AIG1: variants seen among roughly 807,000 people sequenced by gnomAD.
The protein encoded by AIG1 is androgen induced 1.
AIG1 carries 23 observed loss-of-function variants against 31.4 expected under a neutral mutation model. That is an observed-to-expected ratio of 0.73 (90% CI 0.53 to 1.04). The LOEUF is 1.04. Among genes scored for constraint, AIG1 ranks in the 50% least tolerant of loss-of-function variants. The probability of loss-of-function intolerance (pLI) is 0.00; values close to 1 mark genes in which losing one functional copy is unlikely to be tolerated. For synonymous variants in AIG1, 100 were observed against 110.5 expected, an observed-to-expected ratio of 0.90 and a Z score of 0.60; for missense variants, 274 against 295.0, an observed-to-expected ratio of 0.93 and a Z score of 0.52.
At chr6:143,215,948 G>A (rs943219893) in intron 3 of AIG1, among the ~76,000 whole-genome samples, 11 of 152,044 alleles carry the variant, frequency 7.2e-5, no homozygotes, top group Admixed American at 3.9e-4. Context: ...ATACATAAAC[G>A]AATGAGTGAC....
rs1776826832 is a variant in AIG1 at position 143,328,822 on chromosome 6, G to A, written c.516-4460G>A. The stretch of plus-strand genomic sequence containing the variant: ...CAAAAATCTTATTATGCTAATATGT[G>A]CATATATATGTATGCACACATATCA... On this transcript the variant is annotated intron_variant, in intron 4 of 5. Coordinates refer to ENST00000357847, the MANE Select transcript of AIG1 (RefSeq NM_016108.4). This position sits in a 1 kb window ranked among gnomAD's most constrained non-coding sequence, Gnocchi z 4.0. Among the ~76,000 whole-genome samples, 1 of 152,108 alleles carries A rather than the reference G, an allele frequency of 6.6e-6. No individual in the cohort carries two copies. The highest frequency in any genetic ancestry group is 2.4e-5 in the African/African-American group (1 of 41,428).
intron 4 of AIG1, among the ~76,000 whole-genome samples, chr6:143,294,865 C>G (rs1041510404): frequency 2.6e-5 from 4 of 152,140 alleles, no homozygotes; most frequent in South Asian, 2.1e-4. Context: ...TCAACTCCCC[C>G]CAAACCTCAG....
downstream of AIG1, chr6:143,343,454 A>G: frequency 2.7e-6 from 1 of 366,570 alleles, no homozygotes; most frequent in Non-Finnish European, 5.4e-6. Context: ...TCGGCCCTAG[A>G]GTGATCATGG....
chr6:143,149,079 C>T lies in AIG1; in HGVS notation c.297+12089C>T, dbSNP rs545233279. Among the ~76,000 whole-genome samples the T allele has an allele frequency of 4.6e-5, 7 of 152,272 alleles. No individual in the cohort carries two copies. In the South Asian group the frequency reaches 1.2e-3, roughly 27 times the overall value. On this transcript the variant is annotated intron_variant, in intron 2 of 5. Transcript: ENST00000357847. ...AGCCTAATGACACATTTCTCAGAACCTGTCTCTGTTGTTGAATGATGCGTT... is the reference window on the plus strand; with the variant it reads ...AGCCTAATGACACATTTCTCAGAACTTGTCTCTGTTGTTGAATGATGCGTT...
At chr6:143,274,424 C>T (rs980168337) in intron 3 of AIG1, among the ~76,000 whole-genome samples, 1 of 152,112 alleles carries the variant, frequency 6.6e-6, no homozygotes, top group African/African-American at 2.4e-5. Flanking sequence ...GAGTTTTATT[C>T]CATGTAAAGC....
At chr6:143,184,851 G>T (rs1230818355) in intron 3 of AIG1, among the ~76,000 whole-genome samples, 1 of 152,106 alleles carries the variant, frequency 6.6e-6, no homozygotes, top group Non-Finnish European at 1.5e-5. Context: ...CTTGTGGAAA[G>T]ATGGTCAGCT....
At position 143,313,779 on chromosome 6, in the gene AIG1, G is replaced by C. The variant is rs191284819; in HGVS notation, c.516-19503G>C. 2.1e-3 allele frequency among the ~76,000 whole-genome samples: 316 copies of C among 152,140 alleles called. 3 individuals are homozygous for C. Among genetic ancestry groups the C allele is most frequent in the Non-Finnish European group, 1.5e-3 (104 of 67,984 alleles). ...CTGATATGATTATTATGCATTGTAT[G>C]CCTGTATCCAAATATCTCATGTACC... is the stretch of plus-strand genomic sequence containing the variant. On this transcript the variant is annotated intron_variant, in intron 4 of 5. Coordinates refer to ENST00000357847, the MANE Select transcript of AIG1 (RefSeq NM_016108.4).
chr6:143,092,279 A>AT (rs760340815), intron 1 of AIG1, among the ~76,000 whole-genome samples: 3,140 of 117,668 alleles, frequency 0.027, 107 homozygotes, highest in African/African-American at 0.069. Flanking sequence ...TAATTTTTTG[A>AT]TTTTTTTTTT....
chr6:143,141,745 A>G (rs1010895526), intron 2 of AIG1, among the ~76,000 whole-genome samples: 7 of 152,176 alleles, frequency 4.6e-5, no homozygotes, highest in African/African-American at 7.2e-5. Context: ...AAATAATTCT[A>G]TGACATTATG....
rs1269773539 is a variant in AIG1, at chr6:143,194,855, A to G, written c.399+29672A>G. Among the ~76,000 whole-genome samples the G allele has an allele frequency of 7.2e-5, 11 of 152,192 alleles. 1 individual carries two copies. The highest frequency in any genetic ancestry group is 7.2e-4 in the Admixed American group (11 of 15,288). ...CTGCAGCTCTCTAGACCAGAACCAT[A>G]AAGAAACAAGGTTCTCTCTGTCTAG... is the stretch of plus-strand genomic sequence containing the variant. On this transcript the variant is annotated intron_variant, in intron 3 of 5. Coordinates refer to ENST00000357847, the MANE Select transcript of AIG1 (RefSeq NM_016108.4).
rs1258643674 is a variant in AIG1 at position 143,175,125 on chromosome 6, T to C, written c.399+9942T>C. Among the ~76,000 whole-genome samples the C allele has an allele frequency of 3.9e-5, 6 of 152,218 alleles. No homozygotes were observed. In the East Asian group the frequency reaches 1.2e-3, roughly 29 times the overall value. On this transcript the variant is annotated intron_variant, in intron 3 of 5. Transcript: ENST00000357847. ...ATAATTGTGTTAAGGAGGCTAAAGA[T>C]AGGACCCCACTACCTTCTAGCTTGC...
intron 3 of AIG1, among the ~76,000 whole-genome samples, chr6:143,227,608 A>G (rs546836062): frequency 6.6e-6 from 1 of 152,360 alleles, no homozygotes; most frequent in South Asian, 2.1e-4. Context: ...ATATAGGCCA[A>G]AAGAGCTTGA....
chr6:143,086,667 C>T (rs1022002051), intron 1 of AIG1, among the ~76,000 whole-genome samples: 1 of 151,748 alleles, frequency 6.6e-6, no homozygotes, highest in Non-Finnish European at 1.5e-5. Flanking sequence ...TTTGGAGATA[C>T]AACTTGCTCT....
chr6:143,192,753 A>G (rs757208069), intron 3 of AIG1, among the ~76,000 whole-genome samples: 7 of 152,212 alleles, frequency 4.6e-5, no homozygotes, highest in African/African-American at 9.7e-5. Context: ...GAAGGAGACA[A>G]ATATCCAAAT....
chr6:143,120,435 A>G (rs1416507468), intron 1 of AIG1, among the ~76,000 whole-genome samples: 9 of 152,208 alleles, frequency 5.9e-5, no homozygotes, highest in Non-Finnish European at 1.2e-4. Flanking sequence ...ACAGATTCAC[A>G]TGGCTGGGGA....
intron 1 of AIG1, among the ~76,000 whole-genome samples, chr6:143,104,864 A>C (rs1001641758): frequency 6.6e-6 from 1 of 151,770 alleles, no homozygotes; most frequent in African/African-American, 2.4e-5. Flanking sequence ...CTGCCACTGC[A>C]CTCCAGCCTG....
At position 143,334,067 on chromosome 6, in the gene AIG1, A is replaced by C; in HGVS notation, c.679+622A>C. 6.4e-7 allele frequency: 1 copy of C among 1,550,444 alleles called. No homozygotes were observed. The highest frequency in any genetic ancestry group is 2.4e-5 in the East Asian group (1 of 40,918). On this transcript the variant is annotated intron_variant, in intron 5 of 5. Coordinates refer to ENST00000357847, the MANE Select transcript of AIG1 (RefSeq NM_016108.4). This position sits in a 1 kb window ranked among gnomAD's most constrained non-coding sequence, Gnocchi z 5.1. Reference sequence around the variant, plus strand: ...GTGATTTGATTTCTCTTTTGTTTCCATTTATGGCAGAGCCTCCATCTTGGC... The same window carrying C: ...GTGATTTGATTTCTCTTTTGTTTCCCTTTATGGCAGAGCCTCCATCTTGGC...
Position 143,334,903 on chromosome 6 carries a change from A to C in AIG1, c.679+1458A>C, listed in dbSNP as rs1481320520. ...ACCACTAGAGAGAAATATCCACTCT[A>C]CATTAATAGAATACTGCTTTTTAGC... On this transcript the variant is annotated intron_variant, in intron 5 of 5. Transcript: ENST00000357847. This position sits in a 1 kb window ranked among gnomAD's most constrained non-coding sequence, Gnocchi z 5.1. 8 of 469,900 alleles carry C rather than the reference A, an allele frequency of 1.7e-5. No individual in the cohort carries two copies. The highest frequency in any genetic ancestry group is 2.6e-5 in the Non-Finnish European group (7 of 272,374). The allele number at this position is 469,900 out of a possible 1,614,324, so 29.1% of individuals were successfully genotyped here. A position where few individuals can be genotyped will look rare whatever the true frequency, so the allele number is the denominator to read the frequency against.
chr6:143,093,353 TCTTCTTCAG>T (rs1779476729), intron 1 of AIG1, among the ~76,000 whole-genome samples: 1 of 152,328 alleles, frequency 6.6e-6, no homozygotes, highest in East Asian at 1.9e-4. Flanking sequence ...TTCCAACTTT[TCTTCTTCAG>T]CTTCCTCATC....
Sources: gnomAD v4.1 joint callset for allele counts (sites outside exome capture counted in the v4.1 genomes callset) on GRCh38, gnomAD v4.1.1 for gene constraint, Gnocchi (gnomAD v3.1) non-coding constraint, MANE v1.5 for transcripts, NCBI Gene and HGNC (gene_info 2026-07-23, HGNC 2026-07-21) for gene names.